PHF2: variants seen among roughly 807,000 people sequenced by gnomAD.
The protein encoded by PHF2 is PHD finger protein 2.
A neutral mutation model predicts 120.5 loss-of-function variants in PHF2; 27 were observed. The observed-to-expected ratio is 0.22, with a 90% confidence interval of 0.17 to 0.31. PHF2 has a LOEUF of 0.31. Among genes scored for constraint, PHF2 ranks in the 10% least tolerant of loss-of-function variants. The pLI, the probability that PHF2 is intolerant of heterozygous loss-of-function variation, is 1.00. For synonymous variants in PHF2, 568 were observed against 592.5 expected (o/e 0.96, Z 0.60); for missense variants, 1,024 against 1,434.8 (o/e 0.71, Z 4.63).
In PHF2 at chr9:93,666,053, C is replaced by T. The variant is rs139699684; in HGVS notation, c.2180C>T (p.Ala727Val). ...ACGAAGCCAAAGCTGGACTCGGCAG[C>T]GTACAAGGTGAGCTGCCTTACAGGC... ...PVTKPKLDSA[A>V]YKSDDSSDEG... Residue 727 changes from alanine to valine, a missense_variant, in exon 16 of 22, where the codon GCG becomes GTG. Coordinates refer to ENST00000359246, the MANE Select transcript of PHF2 (RefSeq NM_005392.4). 116 of 1,612,678 alleles carry T rather than the reference C, an allele frequency of 7.2e-5. 1 individual carries two copies. In the Middle Eastern group the frequency reaches 9.9e-4, roughly 14 times the overall value.
At chr9:93,586,760 C>T (rs1863053177) in intron 1 of PHF2, among the ~76,000 whole-genome samples, 1 of 152,228 alleles carries the variant, frequency 6.6e-6, no homozygotes, top group Non-Finnish European at 1.5e-5. Context: ...GTGACGTTTC[C>T]TGAACACCAG....
At chr9:93,661,447 A>T (rs1826563422) in intron 12 of PHF2, among the ~76,000 whole-genome samples, 1 of 152,206 alleles carries the variant, frequency 6.6e-6, no homozygotes, top group African/African-American at 2.4e-5. Flanking sequence ...GGATGAATGG[A>T]TGAACAGACG....
chr9:93,595,414 C>T lies in PHF2; in HGVS notation c.98+18543C>T, dbSNP rs115855889. Among the ~76,000 whole-genome samples the T allele has an allele frequency of 7.0e-3, 1,072 of 152,248 alleles. 14 individuals carry two copies. The highest frequency in any genetic ancestry group is 0.024 in the African/African-American group (1,003 of 41,538). Reference sequence around the variant, plus strand: ...AGCCTGACGCTACAATATGAGGAGCCGCTTTCAGTTGAATCTACTTTAGGA... The same window carrying T: ...AGCCTGACGCTACAATATGAGGAGCTGCTTTCAGTTGAATCTACTTTAGGA... On this transcript the variant is annotated intron_variant, in intron 1 of 21. Transcript: ENST00000359246.
Position 93,660,425 on chromosome 9 carries a change from G to A in PHF2, c.1563G>A (p.Leu521=). 2.0e-6 allele frequency: 3 copies of A among 1,524,962 alleles called. No individual in the cohort carries two copies. The South Asian group carries it at 3.6e-5, about 18-fold the overall frequency. The allele number at this position is 1,524,962 out of a possible 1,614,324, so 94.5% of individuals were successfully genotyped here. The stretch of plus-strand genomic sequence containing the variant: ...AGCCCCCAAGGCCCCCCAAAACGCT[G>A]AAGCTCAAAGATGGAGGCAAGAAGA... ...PPKPPRPPKT[L]KLKDGGKKKG... Residue 521 remains leucine, a synonymous_variant, in exon 12 of 22, where the codon CTG becomes CTA. Coordinates refer to ENST00000359246, the MANE Select transcript of PHF2 (RefSeq NM_005392.4).
chr9:93,576,725 G>C lies in PHF2; in HGVS notation c.-49G>C. ...CCCGGCCCCCGGCCCGGCCCGGACC[G>C]ACCCGGGCAGCGCAGCGGCGGGGCC... On this transcript the variant is annotated 5_prime_UTR_variant, in exon 1 of 22. Coordinates refer to ENST00000359246, the MANE Select transcript of PHF2 (RefSeq NM_005392.4). The C allele has an allele frequency of 1.0e-6, 1 of 970,736 alleles. No homozygotes were observed. The highest frequency in any genetic ancestry group is 1.3e-6 in the Non-Finnish European group (1 of 786,356). 60.1% of individuals were successfully genotyped at this position (970,736 alleles called of 1,614,324 possible).
intron 1 of PHF2, among the ~76,000 whole-genome samples, chr9:93,615,112 A>G (rs1825703491): frequency 6.6e-6 from 1 of 150,858 alleles, no homozygotes; most frequent in Admixed American, 6.6e-5. Context: ...AAAGATGGTG[A>G]TGGTGATGGC....
chr9:93,630,684 C>G (rs1046809690), intron 2 of PHF2, among the ~76,000 whole-genome samples: 1 of 152,178 alleles, frequency 6.6e-6, no homozygotes, highest in Admixed American at 6.5e-5. Flanking sequence ...CAGGTTCAGC[C>G]AGGTGAGCTG....
At chr9:93,630,925 T>C (rs969752053) in intron 2 of PHF2, among the ~76,000 whole-genome samples, 1 of 152,152 alleles carries the variant, frequency 6.6e-6, no homozygotes, top group African/African-American at 2.4e-5. Flanking sequence ...TGATCACATC[T>C]CTGCTGACCT....
chr9:93,679,061 T>C lies in PHF2; in HGVS notation c.*1385T>C, dbSNP rs959870576. 2 of 350,414 alleles carry C rather than the reference T, an allele frequency of 5.7e-6. No individual in the cohort carries two copies. The highest frequency in any genetic ancestry group is 4.3e-5 in the African/African-American group (2 of 46,084). The allele number at this position is 350,414 out of a possible 1,614,324, so 21.7% of individuals were successfully genotyped here. On this transcript the variant is annotated 3_prime_UTR_variant, in exon 22 of 22. Transcript: ENST00000359246. Reference sequence around the variant, plus strand: ...CTTGTATGATGAGGGGATTGGGGGATACAGTTATTTTACTAGCACCTTGTG... The same window carrying C: ...CTTGTATGATGAGGGGATTGGGGGACACAGTTATTTTACTAGCACCTTGTG...
chr9:93,603,898 A>G (rs1321980087), intron 1 of PHF2, among the ~76,000 whole-genome samples: 1 of 152,180 alleles, frequency 6.6e-6, no homozygotes, highest in Non-Finnish European at 1.5e-5. Flanking sequence ...GCTCACCTTC[A>G]GTCTGAGGCC....
At chr9:93,638,613 C>A (rs1826128261) in intron 3 of PHF2, among the ~76,000 whole-genome samples, 1 of 152,348 alleles carries the variant, frequency 6.6e-6, no homozygotes, top group Admixed American at 6.5e-5. Context: ...ATATTCAATT[C>A]TATTCCACTA....
intron 1 of PHF2, among the ~76,000 whole-genome samples, chr9:93,597,218 C>T (rs1330590067): frequency 6.6e-6 from 1 of 152,170 alleles, no homozygotes; most frequent in South Asian, 2.1e-4. Context: ...TGTGAGCCAT[C>T]GCGCCTGGCC....
rs773481983 is a variant in PHF2 at position 93,658,065 on chromosome 9, C to T, written c.1148-80C>T. 86 of 908,508 alleles carry T rather than the reference C, an allele frequency of 9.5e-5. No homozygotes were observed. The Admixed American group carries it at 1.1e-3, about 11-fold the overall frequency. 56.3% of individuals were successfully genotyped at this position (908,508 alleles called of 1,614,324 possible). Reference sequence around the variant, plus strand: ...CTGGAAGGCTGGACCTGGCATCCCCCGGTCTGGCTATGTGGCTGGGCATGA... The same window carrying T: ...CTGGAAGGCTGGACCTGGCATCCCCTGGTCTGGCTATGTGGCTGGGCATGA... On this transcript the variant is annotated intron_variant, in intron 9 of 21. Coordinates refer to ENST00000359246, the MANE Select transcript of PHF2 (RefSeq NM_005392.4).
At position 93,660,500 on chromosome 9, in the gene PHF2, C is replaced by G; in HGVS notation, c.1638C>G (p.Asp546Glu). Residue 546 changes from aspartate to glutamate, a missense_variant, in exon 12 of 22, where the codon GAC becomes GAG. By Grantham distance (45) the Asp-to-Glu change is conservative (BLOSUM62 2). Coordinates refer to ENST00000359246, the MANE Select transcript of PHF2 (RefSeq NM_005392.4). ...ESASPTIPNL[D>E]LLEAHTKEAL... ...CCTCACCCACCATCCCCAACCTGGA[C>G]CTGCTCGAAGCCCACACCAAGGAGG... 1 of 1,604,818 alleles carries G rather than the reference C, an allele frequency of 6.2e-7. No homozygotes were observed. Among genetic ancestry groups the G allele is most frequent in the Non-Finnish European group, 8.5e-7 (1 of 1,176,802 alleles).
chr9:93,616,364 G>A (rs1017883915), intron 1 of PHF2, among the ~76,000 whole-genome samples: 1 of 151,926 alleles, frequency 6.6e-6, no homozygotes, highest in Non-Finnish European at 1.5e-5. Context: ...TACAGCTGGG[G>A]TTCAGGAAAC....
At chr9:93,640,638 A>G (rs1443977494) in intron 3 of PHF2, among the ~76,000 whole-genome samples, 1 of 152,140 alleles carries the variant, frequency 6.6e-6, no homozygotes, top group Non-Finnish European at 1.5e-5. Context: ...AGTGTAGCTA[A>G]CATACTAATC....
chr9:93,615,177 AATGGTGATGGCG>A (rs1564381874), intron 1 of PHF2, among the ~76,000 whole-genome samples: 10 of 53,418 alleles, frequency 1.9e-4, no homozygotes, highest in African/African-American at 4.0e-4. Flanking sequence ...TGGTGATAGT[AATGGTGATGGCG>A]ATGGTGATGA....
intron 1 of PHF2, among the ~76,000 whole-genome samples, chr9:93,626,422 G>A (rs115845846): frequency 0.013 from 1,921 of 152,134 alleles, 48 homozygotes; most frequent in African/African-American, 0.042. Context: ...TTTATTAATC[G>A]GATTGTTTGT....
At chr9:93,593,377 G>T (rs1177044607) in intron 1 of PHF2, among the ~76,000 whole-genome samples, 2 of 152,124 alleles carry the variant, frequency 1.3e-5, no homozygotes, top group Non-Finnish European at 2.9e-5. Flanking sequence ...GACTACATTT[G>T]CTCTCTGGTC....
Sources: allele counts gnomAD v4.1 joint callset (sites outside exome capture counted in the v4.1 genomes callset), GRCh38; gene constraint gnomAD v4.1.1; transcripts MANE v1.5; gene names NCBI Gene and HGNC (gene_info 2026-07-23, HGNC 2026-07-21).